The following RBFOX3 variants were observed in gnomAD, a reference collection of about 807,000 sequenced individuals.
RBFOX3 encodes the protein RNA binding protein fox-1 homolog 3.
Under a neutral mutation model 48.7 loss-of-function variants are expected in RBFOX3, and 17 were observed. The ratio of observed to expected loss-of-function variants is 0.35; its 90% confidence interval spans 0.24 to 0.52. The LOEUF (loss-of-function observed/expected upper bound fraction) is 0.52. Among genes scored for constraint, RBFOX3 ranks in the 20% least tolerant of loss-of-function variants. RBFOX3 has a pLI of 0.94. For synonymous variants in RBFOX3, 212 were observed against 209.5 expected (o/e 1.01, Z -0.10); for missense variants, 382 against 497.5 (o/e 0.77, Z 2.21).
intron 1 of RBFOX3, among the ~76,000 whole-genome samples, chr17:79,551,508 TA>T (rs1210555623): frequency 5.6e-5 from 3 of 53,378 alleles, no homozygotes; most frequent in African/African-American, 1.3e-4. Flanking sequence ...GATGGACGGG[TA>T]GGTGGATGGG....
In RBFOX3 at chr17:79,481,861, C is replaced by CAA. The variant is rs2078825730; in HGVS notation, c.-175+591_-175+592dup. ...GAACCTCTGAATTTGCCACTGGTCA[C>CAA]AAGTGCAGGTGACCCTGGCAGCTTG... On this transcript the variant is annotated intron_variant, in intron 2 of 14. Transcript: ENST00000693108. The surrounding 1 kb of genome is among the most constrained non-coding windows in gnomAD (Gnocchi z 5.4). 6.6e-6 allele frequency among the ~76,000 whole-genome samples: 1 copy of CAA among 152,204 alleles called. No individual in the cohort carries two copies. The highest frequency in any genetic ancestry group is 2.1e-4 in the South Asian group (1 of 4,836).
At chr17:79,513,290 G>A (rs1223330155) in intron 1 of RBFOX3, among the ~76,000 whole-genome samples, 1 of 151,828 alleles carries the variant, frequency 6.6e-6, no homozygotes, top group Non-Finnish European at 1.5e-5. Flanking sequence ...TGTCACCATT[G>A]GGCACGGTCC....
At chr17:79,571,058 A>T (rs2092660215) in intron 1 of RBFOX3, among the ~76,000 whole-genome samples, 1 of 152,224 alleles carries the variant, frequency 6.6e-6, no homozygotes, top group South Asian at 2.1e-4. Context: ...TTAGGTAATT[A>T]TTGTAATGCC....
chr17:79,433,981 G>A (rs900400218), intron 2 of RBFOX3, among the ~76,000 whole-genome samples: 11 of 152,166 alleles, frequency 7.2e-5, no homozygotes, highest in African/African-American at 2.2e-4. Flanking sequence ...AGCACTAGAG[G>A]AAGCACCTCT....
Position 79,453,479 on chromosome 17 carries a change from G to A in RBFOX3, c.-175+28975C>T, listed in dbSNP as rs75714609. ...TCTCCTTGGCACCCTTTGGGGTGGTGGAAGGGAAGCTGGTGGGAGGCAGGG... is the reference window on the plus strand; with the variant it reads ...TCTCCTTGGCACCCTTTGGGGTGGTAGAAGGGAAGCTGGTGGGAGGCAGGG... On this transcript the variant is annotated intron_variant, in intron 2 of 14. Coordinates refer to ENST00000693108, the MANE Select transcript of RBFOX3 (RefSeq NM_001350451.2). Among the ~76,000 whole-genome samples the A allele has an allele frequency of 9.1e-3, 1,390 of 152,304 alleles. 25 individuals are homozygous for A. Among genetic ancestry groups the A allele is most frequent in the African/African-American group, 0.032 (1,320 of 41,572 alleles).
At chr17:79,436,385 A>C (rs2069457646) in intron 2 of RBFOX3, among the ~76,000 whole-genome samples, 2 of 152,262 alleles carry the variant, frequency 1.3e-5, no homozygotes. Flanking sequence ...GGGTGCACCT[A>C]AGCATGAGTA....
intron 1 of RBFOX3, among the ~76,000 whole-genome samples, chr17:79,513,318 C>G (rs1482054980): frequency 6.6e-6 from 1 of 152,178 alleles, no homozygotes; most frequent in East Asian, 1.9e-4. Flanking sequence ...AGGTGACACA[C>G]ACCCAGATAC....
the RBFOX3 span, among the ~76,000 whole-genome samples, chr17:79,661,372 T>C: frequency 2.0e-5 from 3 of 152,266 alleles, no homozygotes; most frequent in Non-Finnish European, 4.4e-5. Flanking sequence ...GCCTGGATTC[T>C]TTGATTCTAC....
chr17:79,398,404 C>T (rs1000887769), intron 2 of RBFOX3, among the ~76,000 whole-genome samples: 5 of 152,086 alleles, frequency 3.3e-5, no homozygotes, highest in Admixed American at 2.0e-4. Context: ...TGTGAACTGG[C>T]GAGGCCTGGC....
At chr17:79,637,561 G>A in the RBFOX3 span, among the ~76,000 whole-genome samples, 272 of 151,874 alleles carry the variant, frequency 1.8e-3, no homozygotes, top group Non-Finnish European at 3.5e-3. Context: ...CTGGCGTGGT[G>A]GCACACACCT....
chr17:79,446,424 C>T (rs2072304595), intron 2 of RBFOX3, among the ~76,000 whole-genome samples: 1 of 152,194 alleles, frequency 6.6e-6, no homozygotes, highest in African/African-American at 2.4e-5. Context: ...ACTCCCTCCA[C>T]CCCTATTGAG....
At chr17:79,160,993 A>C (rs985952758) in intron 4 of RBFOX3, among the ~76,000 whole-genome samples, 57 of 152,054 alleles carry the variant, frequency 3.7e-4, no homozygotes, top group African/African-American at 5.3e-4. Flanking sequence ...AAAAAAAAAA[A>C]AAAACAAAAA....
chr17:79,565,984 G>C (rs1270187505), intron 1 of RBFOX3, among the ~76,000 whole-genome samples: 1 of 152,090 alleles, frequency 6.6e-6, no homozygotes, highest in Admixed American at 6.6e-5. Flanking sequence ...TATTTTGCTA[G>C]CTTCACCCTA....
intron 4 of RBFOX3, among the ~76,000 whole-genome samples, chr17:79,217,410 C>T (rs1600067073): frequency 2.0e-5 from 3 of 152,244 alleles, no homozygotes; most frequent in East Asian, 1.9e-4. Context: ...TCCTGCATCT[C>T]GGAACAGACT....
chr17:79,197,801 C>T (rs2146696651), intron 4 of RBFOX3, among the ~76,000 whole-genome samples: 1 of 152,200 alleles, frequency 6.6e-6, no homozygotes, highest in African/African-American at 2.4e-5. Context: ...CACTCCATTC[C>T]CCTTTGTACA....
chr17:79,236,221 G>A lies in RBFOX3; in HGVS notation c.-73-416C>T, dbSNP rs79631302. On this transcript the variant is annotated intron_variant, in intron 3 of 14. Coordinates refer to ENST00000693108, the MANE Select transcript of RBFOX3 (RefSeq NM_001350451.2). The stretch of plus-strand genomic sequence containing the variant: ...CACACTGGGTTTCCTCTGCCATGCC[G>A]TGGGGATTTGCTTCCTCCTCCAGGT... Among the ~76,000 whole-genome samples the A allele has an allele frequency of 8.1e-3, 1,232 of 152,316 alleles. 15 individuals carry two copies. Among genetic ancestry groups the A allele is most frequent in the East Asian group, 0.063 (328 of 5,180 alleles).
chr17:79,146,386 T>C (rs1294032093), intron 4 of RBFOX3, among the ~76,000 whole-genome samples: 3 of 152,198 alleles, frequency 2.0e-5, no homozygotes, highest in South Asian at 4.1e-4. Flanking sequence ...AGGCCCCCGT[T>C]TCACCACTGC....
intron 2 of RBFOX3, among the ~76,000 whole-genome samples, chr17:79,458,932 A>C (rs971280593): frequency 2.6e-5 from 4 of 152,070 alleles, no homozygotes; most frequent in African/African-American, 9.7e-5. Flanking sequence ...GGCTGGATCT[A>C]ATGGCAAGCA....
chr17:79,201,218 G>T (rs953038461), intron 4 of RBFOX3, among the ~76,000 whole-genome samples: 9 of 152,140 alleles, frequency 5.9e-5, no homozygotes, highest in Admixed American at 5.2e-4. Context: ...CCGCCCACTG[G>T]GCTGCTCTCT....
Sources: allele counts gnomAD v4.1 joint callset (sites outside exome capture counted in the v4.1 genomes callset), GRCh38; gene constraint gnomAD v4.1.1; non-coding constraint Gnocchi (gnomAD v3.1); transcripts MANE v1.5; gene names NCBI Gene and HGNC (gene_info 2026-07-23, HGNC 2026-07-21).